Variants in CCDC192 observed in about 807,000 individuals in gnomAD.
CCDC192 encodes the protein coiled-coil domain-containing protein 192.
At chr5:127,766,063 C>T (rs1467907554) in intron 3 of CCDC192, among the ~76,000 whole-genome samples, 4 of 152,178 alleles carry the variant, frequency 2.6e-5, no homozygotes, top group Non-Finnish European at 4.4e-5. Context: ...TTATGCCCTA[C>T]GTTGACACTG....
intron 3 of CCDC192, among the ~76,000 whole-genome samples, chr5:127,775,669 G>A (rs1381911692): frequency 6.6e-6 from 1 of 152,180 alleles, no homozygotes; most frequent in East Asian, 1.9e-4. Flanking sequence ...TCTTTGATGT[G>A]GTTTGGCTGT....
At chr5:127,831,569 G>A (rs985822621) in intron 5 of CCDC192, among the ~76,000 whole-genome samples, 3 of 152,064 alleles carry the variant, frequency 2.0e-5, no homozygotes, top group Non-Finnish European at 2.9e-5. Context: ...ACATAATGCC[G>A]ATAAGGAAAC....
In CCDC192 at chr5:127,875,523, T is replaced by A; in HGVS notation, c.412-15T>A. On this transcript the variant is annotated splice_polypyrimidine_tract_variant and intron_variant, in intron 5 of 6. Coordinates refer to ENST00000514853, the MANE Select transcript of CCDC192 (RefSeq NM_001317938.2). Reference sequence around the variant, plus strand: ...GTCCCTAGTGATGGAAACTCTTATTTTTTTTTTTTTTAAGAAACTAAAGCA... The same window carrying A: ...GTCCCTAGTGATGGAAACTCTTATTATTTTTTTTTTTAAGAAACTAAAGCA... 1.6e-5 allele frequency: 2 copies of A among 122,528 alleles called. No homozygotes were observed. Among genetic ancestry groups the A allele is most frequent in the Non-Finnish European group, 1.4e-5 (1 of 73,912 alleles). The allele number at this position is 122,528 out of a possible 1,614,324, so 7.6% of individuals were successfully genotyped here. A position where few individuals can be genotyped will look rare whatever the true frequency, so the allele number is the denominator to read the frequency against.
At chr5:127,806,686 A>G (rs1757803234) in intron 5 of CCDC192, among the ~76,000 whole-genome samples, 1 of 152,146 alleles carries the variant, frequency 6.6e-6, no homozygotes, top group Non-Finnish European at 1.5e-5. Context: ...AATGTAAGAC[A>G]GTCTCAGCTC....
chr5:127,851,984 T>G (rs1750816671), intron 5 of CCDC192, among the ~76,000 whole-genome samples: 1 of 152,218 alleles, frequency 6.6e-6, no homozygotes, highest in East Asian at 1.9e-4. Flanking sequence ...TTTATGGTAA[T>G]GAAAAATTAA....
chr5:127,774,912 T>C (rs1432175454), intron 3 of CCDC192, among the ~76,000 whole-genome samples: 2 of 152,226 alleles, frequency 1.3e-5, no homozygotes, highest in African/African-American at 4.8e-5. Context: ...ATGTATTTAG[T>C]TTTTCTTTAA....
chr5:127,847,821 TTAAATAAATAAA>T (rs67683440), intron 5 of CCDC192, among the ~76,000 whole-genome samples: 107 of 142,886 alleles, frequency 7.5e-4, no homozygotes, highest in African/African-American at 2.6e-3. Flanking sequence ...AGACTCCATC[TTAAATAAATAAA>T]TAAATAAATA....
intron 2 of CCDC192, among the ~76,000 whole-genome samples, chr5:127,733,808 CT>C: frequency 6.6e-6 from 1 of 150,636 alleles, no homozygotes. Context: ...TGTTTGGCAC[CT>C]TTTTCATTTC....
chr5:127,853,343 A>G (rs1344731569), intron 5 of CCDC192, among the ~76,000 whole-genome samples: 3 of 152,252 alleles, frequency 2.0e-5, no homozygotes, highest in African/African-American at 4.8e-5. Context: ...TCTCAAACAC[A>G]TACCCCTTTC....
chr5:127,855,824 G>C (rs1328028212), intron 5 of CCDC192, among the ~76,000 whole-genome samples: 2 of 152,138 alleles, frequency 1.3e-5, no homozygotes, highest in African/African-American at 2.4e-5. Flanking sequence ...ATTCTGAAAG[G>C]GATCTTTCTT....
At chr5:127,874,623 C>T (rs796978687) in intron 5 of CCDC192, among the ~76,000 whole-genome samples, 14 of 152,292 alleles carry the variant, frequency 9.2e-5, no homozygotes, top group South Asian at 4.1e-4. Context: ...CATCCCTTCC[C>T]TATCTCAAGA....
At chr5:127,709,300 A>C (rs951229553) in intron 2 of CCDC192, among the ~76,000 whole-genome samples, 16 of 151,914 alleles carry the variant, frequency 1.1e-4, no homozygotes, top group Non-Finnish European at 2.1e-4. Context: ...ACTCACCATC[A>C]TGAGAACAGC....
At chr5:127,734,590 T>C (rs1467807868) in intron 2 of CCDC192, among the ~76,000 whole-genome samples, 7 of 141,610 alleles carry the variant, frequency 4.9e-5, no homozygotes, top group Non-Finnish European at 9.1e-5. Flanking sequence ...CAGCACCTGT[T>C]GTTTCCTGAC....
intron 2 of CCDC192, among the ~76,000 whole-genome samples, chr5:127,714,033 C>G (rs1363586373): frequency 6.6e-6 from 1 of 152,138 alleles, no homozygotes; most frequent in Non-Finnish European, 1.5e-5. Flanking sequence ...CCCTATTTTA[C>G]TCTCTATTTC....
intron 2 of CCDC192, among the ~76,000 whole-genome samples, chr5:127,745,833 C>A (rs532505432): frequency 6.6e-6 from 1 of 152,166 alleles, no homozygotes. Flanking sequence ...TCCACACGTA[C>A]CTGGAAGTAA....
At chr5:127,807,457 CT>C (rs1266466013) in intron 5 of CCDC192, among the ~76,000 whole-genome samples, 1 of 152,002 alleles carries the variant, frequency 6.6e-6, no homozygotes, top group Non-Finnish European at 1.5e-5. Flanking sequence ...TTGTCTGTTT[CT>C]TTCTTTATCC....
In CCDC192 at chr5:127,879,868, C is replaced by T. The variant is rs1280962061; in HGVS notation, c.535+4207C>T. ...ATCATCACTGGCCATCAGAGAAATG[C>T]AAATCAAAACCACAATGAGATACCA... On this transcript the variant is annotated intron_variant, in intron 6 of 6. Coordinates refer to ENST00000514853, the MANE Select transcript of CCDC192 (RefSeq NM_001317938.2). Among the ~76,000 whole-genome samples, 721 of 147,258 alleles carry T rather than the reference C, an allele frequency of 4.9e-3. 9 individuals are homozygous for T. Among genetic ancestry groups the T allele is most frequent in the African/African-American group, 0.018 (703 of 39,910 alleles).
chr5:127,761,117 G>A (rs1754902787), intron 3 of CCDC192, among the ~76,000 whole-genome samples: 1 of 152,122 alleles, frequency 6.6e-6, no homozygotes, highest in Admixed American at 6.5e-5. Flanking sequence ...ACCTAATTTG[G>A]GGCATTTGTG....
chr5:127,928,164 C>T (rs909382411), intron 6 of CCDC192, among the ~76,000 whole-genome samples: 1 of 152,096 alleles, frequency 6.6e-6, no homozygotes, highest in Non-Finnish European at 1.5e-5. Flanking sequence ...AGGTAATCCG[C>T]CTGCCTCAGC....
Sources: allele counts gnomAD v4.1 joint callset (sites outside exome capture counted in the v4.1 genomes callset), GRCh38; gene constraint gnomAD v4.1.1; transcripts MANE v1.5; gene names NCBI Gene and HGNC (gene_info 2026-07-23, HGNC 2026-07-21).